The following PDE4D variants were observed in gnomAD, a reference collection of about 807,000 sequenced individuals.
PDE4D encodes the protein 3',5'-cyclic-AMP phosphodiesterase 4D.
A neutral mutation model predicts 87.4 loss-of-function variants in PDE4D; 24 were observed. The ratio of observed to expected loss-of-function variants is 0.27; its 90% CI spans 0.20 to 0.39. The LOEUF is 0.39. Among genes scored for constraint, PDE4D ranks in the 10% least tolerant of loss-of-function variants. PDE4D has a pLI of 1.00. For synonymous variants in PDE4D, 384 were observed against 383.2 expected, an observed-to-expected ratio of 1.00 and a Z score of -0.02; for missense variants, 714 against 1,041.0, an observed-to-expected ratio of 0.69 and a Z score of 4.32.
At chr5:60,255,436 A>G (rs543223151) in intron 1 of PDE4D, among the ~76,000 whole-genome samples, 1 of 152,012 alleles carries the variant, frequency 6.6e-6, no homozygotes, top group South Asian at 2.1e-4. Context: ...GTAACTATTC[A>G]TGACTCATTT....
intron 1 of PDE4D, among the ~76,000 whole-genome samples, chr5:59,413,999 A>T (rs1234662242): frequency 4.6e-5 from 7 of 152,226 alleles, no homozygotes; most frequent in Non-Finnish European, 8.8e-5. Flanking sequence ...GTTTCAGTCC[A>T]GACACTTGCA....
At chr5:59,077,660 T>C (rs1055311901) in intron 5 of PDE4D, among the ~76,000 whole-genome samples, 3 of 151,860 alleles carry the variant, frequency 2.0e-5, no homozygotes, top group Non-Finnish European at 4.4e-5. Flanking sequence ...TCAAGATTTG[T>C]CAAGAGCTCC....
chr5:60,345,651 A>T (rs1352821474), intron 1 of PDE4D, among the ~76,000 whole-genome samples: 2 of 151,794 alleles, frequency 1.3e-5, no homozygotes, highest in African/African-American at 2.4e-5. Context: ...AAATAGTTGC[A>T]TAAAACTATA....
intron 1 of PDE4D, among the ~76,000 whole-genome samples, chr5:59,825,533 G>A (rs1263518649): frequency 3.3e-5 from 5 of 152,160 alleles, no homozygotes; most frequent in Non-Finnish European, 7.3e-5. Flanking sequence ...TGACCCCCAG[G>A]TGTTTAGTTC....
chr5:59,845,984 G>A (rs575668626), intron 1 of PDE4D, among the ~76,000 whole-genome samples: 5 of 152,098 alleles, frequency 3.3e-5, no homozygotes, highest in East Asian at 1.9e-4. Context: ...TGCTAATTGC[G>A]TCAAGCTGAA....
intron 2 of PDE4D, among the ~76,000 whole-genome samples, chr5:60,093,080 G>C (rs1775305614): frequency 6.6e-6 from 1 of 152,202 alleles, no homozygotes; most frequent in Admixed American, 6.5e-5. Context: ...AGGTAAGTGT[G>C]TAAATTACAG....
chr5:59,730,536 C>T (rs2150601022), intron 1 of PDE4D, among the ~76,000 whole-genome samples: 1 of 152,264 alleles, frequency 6.6e-6, no homozygotes. Context: ...CTAGCTCTGA[C>T]AATGAGATTC....
In PDE4D at chr5:59,843,698, G is replaced by A. The variant is rs528021075; in HGVS notation, c.455+49470C>T. On this transcript the variant is annotated intron_variant, in intron 1 of 14. Coordinates refer to ENST00000340635, the MANE Select transcript of PDE4D (RefSeq NM_001104631.2). ...TGAGCACACAGGTGATGTCACCTAT[G>A]ATAAACAGCACTTGGCACCTCTAGC... Among the ~76,000 whole-genome samples the A allele has an allele frequency of 1.6e-3, 242 of 152,176 alleles. 2 individuals carry two copies. Among genetic ancestry groups the A allele is most frequent in the Non-Finnish European group, 2.2e-3 (149 of 67,968 alleles).
At chr5:60,095,428 A>G (rs1397568228) in intron 2 of PDE4D, among the ~76,000 whole-genome samples, 1 of 152,126 alleles carries the variant, frequency 6.6e-6, no homozygotes, top group African/African-American at 2.4e-5. Flanking sequence ...TATGTGCCAC[A>G]TTTTTGTTAT....
At chr5:59,649,703 A>G (rs527446624) in intron 1 of PDE4D, among the ~76,000 whole-genome samples, 56 of 151,172 alleles carry the variant, frequency 3.7e-4, no homozygotes, top group African/African-American at 1.3e-3. Context: ...TGAGGCCTTC[A>G]CTGAAGCTTG....
At chr5:60,322,776 T>A (rs1371988494) in intron 1 of PDE4D, among the ~76,000 whole-genome samples, 4 of 152,212 alleles carry the variant, frequency 2.6e-5, no homozygotes, top group Non-Finnish European at 5.9e-5. Context: ...TCTCTTCTTA[T>A]AAGTTTTGTC....
At chr5:60,270,228 T>C (rs1750673805) in intron 1 of PDE4D, among the ~76,000 whole-genome samples, 1 of 152,188 alleles carries the variant, frequency 6.6e-6, no homozygotes, top group South Asian at 2.1e-4. Flanking sequence ...ATCGAACTGC[T>C]TCTTTTTATC....
intron 1 of PDE4D, among the ~76,000 whole-genome samples, chr5:60,319,653 G>C (rs183577991): frequency 6.6e-6 from 1 of 152,302 alleles, no homozygotes; most frequent in Non-Finnish European, 1.5e-5. Context: ...ACGTACACAT[G>C]AGGTTTTGGT....
At chr5:59,686,105 C>G (rs566477186) in intron 1 of PDE4D, among the ~76,000 whole-genome samples, 1 of 152,216 alleles carries the variant, frequency 6.6e-6, no homozygotes, top group South Asian at 2.1e-4. Flanking sequence ...ATGGTGGTGT[C>G]TCTCACTGTC....
chr5:60,134,009 C>T (rs1331914985), intron 2 of PDE4D, among the ~76,000 whole-genome samples: 1 of 152,134 alleles, frequency 6.6e-6, no homozygotes, highest in Non-Finnish European at 1.5e-5. Flanking sequence ...TAGATACCTT[C>T]TTATCTCATT....
At chr5:59,579,760 C>T (rs1247125621) in intron 1 of PDE4D, among the ~76,000 whole-genome samples, 1 of 152,164 alleles carries the variant, frequency 6.6e-6, no homozygotes, top group African/African-American at 2.4e-5. Flanking sequence ...TGAACAGAGG[C>T]TCTGTCCATT....
At chr5:60,115,958 A>G (rs1376161199) in intron 2 of PDE4D, among the ~76,000 whole-genome samples, 1 of 152,106 alleles carries the variant, frequency 6.6e-6, no homozygotes, top group Non-Finnish European at 1.5e-5. Flanking sequence ...TGTGTGCTCA[A>G]TTCTTTGCTC....
chr5:59,794,252 GTT>G (rs576427524), intron 1 of PDE4D, among the ~76,000 whole-genome samples: 1 of 151,894 alleles, frequency 6.6e-6, no homozygotes, highest in African/African-American at 2.4e-5. Flanking sequence ...TTCAGAACTT[GTT>G]TTTTTATCTT....
intron 1 of PDE4D, among the ~76,000 whole-genome samples, chr5:60,386,563 G>A (rs1182869448): frequency 6.6e-6 from 1 of 152,184 alleles, no homozygotes. Flanking sequence ...TTCCTCTGCA[G>A]GGGGGTTCTG....
Sources: gnomAD v4.1 joint callset for allele counts (sites outside exome capture counted in the v4.1 genomes callset) on GRCh38, gnomAD v4.1.1 for gene constraint, MANE v1.5 for transcripts, NCBI Gene and HGNC (gene_info 2026-07-23, HGNC 2026-07-21) for gene names.